The following DSCAM variants were observed in gnomAD, a reference collection of about 807,000 sequenced individuals.
DSCAM encodes cell adhesion molecule DSCAM.
A neutral mutation model predicts 217.7 loss-of-function variants in DSCAM; 47 were observed. The observed-to-expected ratio is 0.22, with a 90% CI of 0.17 to 0.28. The LOEUF (loss-of-function observed/expected upper bound fraction) is 0.28. Ranked by LOEUF, DSCAM falls within the 10% of genes least tolerant of loss-of-function variation. The pLI is 1.00. For synonymous variants in DSCAM, 1,056 were observed against 1,015.3 expected (o/e 1.04, Z -0.76); for missense variants, 2,080 against 2,618.3 (o/e 0.79, Z 4.49).
chr21:40,535,319 T>C (rs1300598963), intron 3 of DSCAM, among the ~76,000 whole-genome samples: 6 of 152,228 alleles, frequency 3.9e-5, no homozygotes, highest in African/African-American at 1.4e-4. Flanking sequence ...CCTAGACTTA[T>C]ATCCTCAACC....
intron 18 of DSCAM, among the ~76,000 whole-genome samples, chr21:40,135,650 T>C (rs2090200127): frequency 6.6e-6 from 1 of 152,240 alleles, no homozygotes. Flanking sequence ...GTTTTTCTTT[T>C]CTCTTGTGTG....
chr21:40,085,842 G>T, intron 22 of DSCAM, 77 bp from the exon 23 acceptor site: 1 of 1,299,588 alleles, frequency 7.7e-7, no homozygotes. Context: ...AAAACAGAAA[G>T]ACTCTGTGAA....
intron 3 of DSCAM, among the ~76,000 whole-genome samples, chr21:40,469,268 C>A (rs1299882851): frequency 6.6e-6 from 1 of 152,096 alleles, no homozygotes; most frequent in African/African-American, 2.4e-5. Context: ...ATGTTCTTCT[C>A]ATGCATCCTT....
chr21:40,499,123 A>C (rs1177156680), intron 3 of DSCAM, among the ~76,000 whole-genome samples: 1 of 152,056 alleles, frequency 6.6e-6, no homozygotes, highest in East Asian at 1.9e-4. Context: ...ATCTAAATTT[A>C]CCTAAGCTAG....
At chr21:40,846,400 A>G (rs1305570097) in intron 1 of DSCAM, among the ~76,000 whole-genome samples, 1 of 152,082 alleles carries the variant, frequency 6.6e-6, no homozygotes, top group Non-Finnish European at 1.5e-5. Context: ...CCTTCCAATG[A>G]TTACAGAGCA....
intron 3 of DSCAM, among the ~76,000 whole-genome samples, chr21:40,508,170 C>T (rs2076224468): frequency 6.6e-6 from 1 of 152,212 alleles, no homozygotes; most frequent in African/African-American, 2.4e-5. Context: ...CTGACTCACA[C>T]TGTCAGGCAG....
chr21:40,450,685 T>A (rs2075711443), intron 3 of DSCAM, among the ~76,000 whole-genome samples: 1 of 152,242 alleles, frequency 6.6e-6, no homozygotes, highest in African/African-American at 2.4e-5. Flanking sequence ...CCATCAGGGC[T>A]CACAGGGTCT....
chr21:40,215,225 C>CAA (rs1162761613), intron 11 of DSCAM, among the ~76,000 whole-genome samples: 3 of 5,480 alleles, frequency 5.5e-4, no homozygotes, highest in African/African-American at 8.5e-4. Flanking sequence ...GACTCCGTCT[C>CAA]AAAAAAAAAA....
At chr21:40,668,836 C>T (rs1315129519) in intron 3 of DSCAM, among the ~76,000 whole-genome samples, 1 of 151,968 alleles carries the variant, frequency 6.6e-6, no homozygotes, top group Non-Finnish European at 1.5e-5. Flanking sequence ...TGCCTAAGGA[C>T]TCCACTTCCT....
chr21:40,299,412 A>G (rs542252195), intron 9 of DSCAM, among the ~76,000 whole-genome samples: 6 of 152,270 alleles, frequency 3.9e-5, no homozygotes, highest in African/African-American at 1.4e-4. Context: ...TAAGAACTCT[A>G]AGACTGGGAA....
intron 1 of DSCAM, among the ~76,000 whole-genome samples, chr21:40,798,757 T>C (rs1260212083): frequency 6.6e-6 from 1 of 152,170 alleles, no homozygotes; most frequent in Non-Finnish European, 1.5e-5. Flanking sequence ...CTGTTAGCAG[T>C]ATCTCTCTAC....
intron 13 of DSCAM, among the ~76,000 whole-genome samples, chr21:40,187,628 T>C (rs926005870): frequency 2.6e-5 from 4 of 152,242 alleles, no homozygotes; most frequent in Non-Finnish European, 5.9e-5. Flanking sequence ...GCTGTACTTG[T>C]GTGCATGTGG....
intron 1 of DSCAM, among the ~76,000 whole-genome samples, chr21:40,813,743 G>C (rs2091858288): frequency 6.7e-6 from 1 of 150,350 alleles, no homozygotes. Context: ...TGCCTCCCCA[G>C]TTCAAGCAAT....
chr21:40,247,717 C>T (rs925648156), intron 11 of DSCAM, among the ~76,000 whole-genome samples: 2 of 152,172 alleles, frequency 1.3e-5, no homozygotes, highest in African/African-American at 4.8e-5. Context: ...TGCAAACTGT[C>T]AGTGGATCTA....
rs189686677 is a variant in DSCAM at position 40,499,829 on chromosome 21, G to A, written c.509-130584C>T. The stretch of plus-strand genomic sequence containing the variant: ...AGTGTCTCACTCTGTCACCCAGGAT[G>A]GAGTGTAGTGATGCGATCTCGGCTC... On this transcript the variant is annotated intron_variant, in intron 3 of 32. Coordinates refer to ENST00000400454, the MANE Select transcript of DSCAM (RefSeq NM_001389.5). Among the ~76,000 whole-genome samples the A allele has an allele frequency of 5.6e-3, 856 of 152,218 alleles. 8 individuals carry two copies. Among genetic ancestry groups the A allele is most frequent in the African/African-American group, 0.02 (814 of 41,530 alleles).
At chr21:40,185,607 C>T (rs541907690) in intron 14 of DSCAM, among the ~76,000 whole-genome samples, 1 of 152,362 alleles carries the variant, frequency 6.6e-6, no homozygotes, top group African/African-American at 2.4e-5. Context: ...TCCCTGTCCC[C>T]ACGGTGCTCA....
At chr21:40,607,787 G>A (rs2089261542) in intron 3 of DSCAM, among the ~76,000 whole-genome samples, 1 of 152,158 alleles carries the variant, frequency 6.6e-6, no homozygotes, top group Admixed American at 6.5e-5. Flanking sequence ...GTGGAACTGT[G>A]AGTCCATTAA....
intron 9 of DSCAM, among the ~76,000 whole-genome samples, chr21:40,302,056 T>A (rs1601531615): frequency 6.6e-6 from 1 of 152,242 alleles, no homozygotes; most frequent in Non-Finnish European, 1.5e-5. Flanking sequence ...TCTGGGTGTA[T>A]AATTCCCCAA....
intron 3 of DSCAM, among the ~76,000 whole-genome samples, chr21:40,508,058 G>C (rs572948955): frequency 2.6e-5 from 4 of 152,322 alleles, no homozygotes; most frequent in East Asian, 1.9e-4. Context: ...TACATGGAGA[G>C]AGTATGTTTA....
Sources: allele counts gnomAD v4.1 joint callset (sites outside exome capture counted in the v4.1 genomes callset), GRCh38; gene constraint gnomAD v4.1.1; transcripts MANE v1.5; gene names NCBI Gene and HGNC (gene_info 2026-07-23, HGNC 2026-07-21).